GNG7: variants seen among roughly 807,000 people sequenced by gnomAD.
The protein encoded by GNG7 is G protein subunit gamma 7.
In GNG7, 1 loss-of-function variant was observed where a neutral mutation model predicts 4.0. The ratio of observed to expected loss-of-function variants is 0.25; its 90% CI spans 0.09 to 1.18. GNG7 has a LOEUF of 1.18. Among genes scored for constraint, GNG7 ranks in the 50% most tolerant of loss-of-function variants. The probability of loss-of-function intolerance (pLI) is 0.50; values close to 1 mark genes in which losing one functional copy is unlikely to be tolerated. For synonymous variants in GNG7, 34 were observed against 36.9 expected (o/e 0.92, Z 0.29); for missense variants, 86 against 91.9 (o/e 0.94, Z 0.26).
intron 1 of GNG7, among the ~76,000 whole-genome samples, chr19:2,655,838 G>GAAAAAAAAAAA (rs56041767): frequency 3.7e-5 from 2 of 54,720 alleles, no homozygotes; most frequent in African/African-American, 7.3e-5. Context: ...GGCTCCGTCT[G>GAAAAAAAAAAA]AAAAAAAAAA....
Position 2,634,819 on chromosome 19 carries a change from T to C in GNG7, c.-78+11405A>G, listed in dbSNP as rs1479539194. Among the ~76,000 whole-genome samples, 1 of 151,396 alleles carries C rather than the reference T, an allele frequency of 6.6e-6. No homozygotes were observed. Among genetic ancestry groups the C allele is most frequent in the East Asian group, 1.9e-4 (1 of 5,176 alleles). On this transcript the variant is annotated intron_variant, in intron 2 of 4. Coordinates refer to ENST00000382159, the MANE Select transcript of GNG7 (RefSeq NM_052847.3). The surrounding 1 kb of genome is among the most constrained non-coding windows in gnomAD (Gnocchi z 5.3). ...CTCTGACTGGCCGCGGGGACTGGAG[T>C]TTGCTTACCACACAAGAGCCCTTCT...
chr19:2,613,769 C>A (rs1981640939), intron 2 of GNG7, among the ~76,000 whole-genome samples: 1 of 151,682 alleles, frequency 6.6e-6, no homozygotes, highest in African/African-American at 2.4e-5. Flanking sequence ...CAGCACCCTG[C>A]AGTGCCCAGG....
chr19:2,655,859 A>ATTT (rs1184181259), intron 1 of GNG7, among the ~76,000 whole-genome samples: 4 of 133,692 alleles, frequency 3.0e-5, no homozygotes, highest in African/African-American at 1.3e-4. Context: ...AAAAAAAAAA[A>ATTT]ATACATATAT....
At chr19:2,669,317 C>T (rs552704227) in intron 1 of GNG7, among the ~76,000 whole-genome samples, 151 of 152,160 alleles carry the variant, frequency 9.9e-4, no homozygotes, top group Non-Finnish European at 1.7e-3. Flanking sequence ...TGGTGAAACC[C>T]CATCTCTACT....
At chr19:2,593,870 A>G (rs1201074503) in intron 2 of GNG7, among the ~76,000 whole-genome samples, 1 of 132,620 alleles carries the variant, frequency 7.5e-6, no homozygotes, top group Non-Finnish European at 1.6e-5. Flanking sequence ...TTTGATTACT[A>G]TTGTGATGTT....
At chr19:2,559,052 GC>G (rs1022870483) in intron 2 of GNG7, among the ~76,000 whole-genome samples, 6 of 151,646 alleles carry the variant, frequency 4.0e-5, no homozygotes, top group African/African-American at 1.5e-4. Flanking sequence ...ACCCACCTTG[GC>G]CCCCCCAAAG....
At chr19:2,520,375 G>GT (rs1181392842) in intron 4 of GNG7, among the ~76,000 whole-genome samples, 1 of 152,228 alleles carries the variant, frequency 6.6e-6, no homozygotes, top group African/African-American at 2.4e-5. Flanking sequence ...GCCCCAGTGT[G>GT]TTTACAAAGC....
At chr19:2,607,008 C>T (rs1364357882) in intron 2 of GNG7, among the ~76,000 whole-genome samples, 14 of 151,442 alleles carry the variant, frequency 9.2e-5, no homozygotes, top group Non-Finnish European at 4.4e-5. Flanking sequence ...ATCATTTGAG[C>T]CCAGGATTTT....
rs570350668 is a variant in GNG7, at chr19:2,563,050, T to C, written c.-77-7862A>G. Among the ~76,000 whole-genome samples, 651 of 152,150 alleles carry C rather than the reference T, an allele frequency of 4.3e-3. 3 individuals carry two copies. Among genetic ancestry groups the C allele is most frequent in the Non-Finnish European group, 7.5e-3 (511 of 67,988 alleles). On this transcript the variant is annotated intron_variant, in intron 2 of 4. Transcript: ENST00000382159. ...AGCTCCTCCTCCCGGGTTCACGCCA[T>C]TCTCCTGCCTCAGCCTCCCAAGTAG...
In GNG7 at chr19:2,515,266, G is replaced by A. The variant is rs1265474875; in HGVS notation, c.82-119C>T. ...GAAACAGCTCAGGAGCCCATTGATG[G>A]GGGCGTGGGCAAACAGTGCGGCCCG... On this transcript the variant is annotated intron_variant, in intron 4 of 4. Transcript: ENST00000382159. The A allele has an allele frequency of 2.4e-6, 3 of 1,270,662 alleles. No individual in the cohort carries two copies. The African/African-American group carries it at 4.5e-5, about 19-fold the overall frequency. The allele number at this position is 1,270,662 out of a possible 1,614,324, so 78.7% of individuals were successfully genotyped here. A position where few individuals can be genotyped will look rare whatever the true frequency, so the allele number is the denominator to read the frequency against.
At chr19:2,542,240 G>A (rs1366553023) in intron 3 of GNG7, among the ~76,000 whole-genome samples, 2 of 145,856 alleles carry the variant, frequency 1.4e-5, no homozygotes, top group African/African-American at 2.5e-5. Flanking sequence ...TCAGCCTCCC[G>A]AGTAACTGCG....
intron 2 of GNG7, among the ~76,000 whole-genome samples, chr19:2,572,951 A>G (rs1182559739): frequency 1.5e-5 from 2 of 135,572 alleles, no homozygotes; most frequent in East Asian, 2.1e-4. Context: ...ATTAGCAGTC[A>G]CCCCCGTCTC....
chr19:2,595,414 G>A (rs1980987532), intron 2 of GNG7: 1 of 151,966 alleles, frequency 6.6e-6, no homozygotes, highest in Non-Finnish European at 1.5e-5. Flanking sequence ...TTATAGGTGT[G>A]AGCCACCATG....
chr19:2,628,724 T>C (rs765487496), intron 2 of GNG7, among the ~76,000 whole-genome samples: 9 of 152,008 alleles, frequency 5.9e-5, no homozygotes, highest in Non-Finnish European at 1.3e-4. Context: ...CCCTTCTGTC[T>C]CTCTGAATTT....
chr19:2,664,564 A>C (rs1186264900), intron 1 of GNG7, among the ~76,000 whole-genome samples: 2 of 152,062 alleles, frequency 1.3e-5, no homozygotes, highest in Non-Finnish European at 2.9e-5. Flanking sequence ...GCCGAGGTCA[A>C]GGAGGGGGAA....
chr19:2,642,791 G>A, intron 2 of GNG7: 1 of 456,756 alleles, frequency 2.2e-6, no homozygotes, highest in Non-Finnish European at 4.4e-6. Context: ...ATGGCGCCCG[G>A]CCAGAACTGA....
intron 2 of GNG7, among the ~76,000 whole-genome samples, chr19:2,646,008 C>A (rs141492226): frequency 6.6e-6 from 1 of 152,186 alleles, no homozygotes; most frequent in Non-Finnish European, 1.5e-5. Context: ...GTGAGTGCCA[C>A]GTTCCCTGCC....
In GNG7 at chr19:2,575,997, ACACT is replaced by A. The variant is rs560143348; in HGVS notation, c.-77-20813_-77-20810del. ...CATGCAGGCAGACACACACATGCTC[ACACT>A]CAGGTACACGCAGACATGCAGACAC... On this transcript the variant is annotated intron_variant, in intron 2 of 4. Transcript: ENST00000382159. 4.4e-3 allele frequency among the ~76,000 whole-genome samples: 406 copies of A among 93,052 alleles called. 9 individuals carry two copies. The highest frequency in any genetic ancestry group is 0.023 in the African/African-American group (384 of 16,718). The allele number at this position is 93,052 out of a possible 152,430, so 61.0% of individuals were successfully genotyped here.
At chr19:2,621,378 G>C (rs965666314) in intron 2 of GNG7, among the ~76,000 whole-genome samples, 2 of 151,016 alleles carry the variant, frequency 1.3e-5, no homozygotes, top group African/African-American at 4.9e-5. Flanking sequence ...CAACACAGCA[G>C]CAAGACTCCA....
Sources: allele counts gnomAD v4.1 joint callset (sites outside exome capture counted in the v4.1 genomes callset), GRCh38; gene constraint gnomAD v4.1.1; non-coding constraint Gnocchi (gnomAD v3.1); transcripts MANE v1.5; gene names NCBI Gene and HGNC (gene_info 2026-07-23, HGNC 2026-07-21).